The following PTPN4 variants were observed in gnomAD, a reference collection of about 807,000 sequenced individuals.
PTPN4 encodes the protein tyrosine-protein phosphatase non-receptor type 4.
In PTPN4, 49 loss-of-function variants were observed where a neutral mutation model predicts 135.5. The observed-to-expected ratio is 0.36, with a 90% CI of 0.29 to 0.46. The LOEUF (loss-of-function observed/expected upper bound fraction) is 0.46. PTPN4 is among the 20% of genes least tolerant of loss of function. PTPN4 has a pLI of 1.00. For missense variants in PTPN4, 860 were observed against 1,101.0 expected (o/e 0.78, Z 3.10); for synonymous variants, 333 against 369.9 (o/e 0.90, Z 1.14).
chr2:119,781,442 A>T (rs1374293638), intron 1 of PTPN4, among the ~76,000 whole-genome samples: 2 of 152,124 alleles, frequency 1.3e-5, no homozygotes, highest in African/African-American at 4.8e-5. Context: ...AACAATATTA[A>T]TATTTATTCA....
At chr2:119,954,195 A>G (rs1024667420) in intron 19 of PTPN4, among the ~76,000 whole-genome samples, 2 of 152,186 alleles carry the variant, frequency 1.3e-5, no homozygotes, top group Admixed American at 6.5e-5. Context: ...TTCTAAAAAA[A>G]TGTATAGATA....
At chr2:119,965,452 C>A in intron 24 of PTPN4, 45 bp from the exon 25 acceptor site, 1 of 1,535,746 alleles carries the variant, frequency 6.5e-7, no homozygotes, top group Admixed American at 2.0e-5. Context: ...GGGACAATTT[C>A]AATAATACAT....
At chr2:119,804,624 G>A (rs1252055733) in intron 1 of PTPN4, among the ~76,000 whole-genome samples, 4 of 152,024 alleles carry the variant, frequency 2.6e-5, no homozygotes, top group African/African-American at 7.2e-5. Flanking sequence ...CTTTTTTATG[G>A]CTGCATAGTA....
At chr2:119,821,486 T>C (rs185291745) in intron 2 of PTPN4, among the ~76,000 whole-genome samples, 10 of 152,320 alleles carry the variant, frequency 6.6e-5, no homozygotes, top group Non-Finnish European at 1.3e-4. Flanking sequence ...ACTTTTTTTT[T>C]TGAATGTGCA....
intron 1 of PTPN4, among the ~76,000 whole-genome samples, chr2:119,808,040 A>C (rs1691511348): frequency 6.6e-6 from 1 of 152,252 alleles, no homozygotes; most frequent in African/African-American, 2.4e-5. Context: ...TCATGCTAAA[A>C]ACTTTCAATA....
chr2:119,863,225 T>C (rs892749371), intron 3 of PTPN4, among the ~76,000 whole-genome samples: 20 of 152,104 alleles, frequency 1.3e-4, no homozygotes, highest in African/African-American at 4.8e-4. Context: ...GAAGATAGCA[T>C]GTGATGAATA....
At chr2:119,860,726 G>A (rs936125274) in intron 2 of PTPN4, among the ~76,000 whole-genome samples, 6 of 152,102 alleles carry the variant, frequency 3.9e-5, no homozygotes, top group African/African-American at 1.4e-4. Flanking sequence ...GAATACCTGA[G>A]ACTGGGTAAT....
intron 1 of PTPN4, among the ~76,000 whole-genome samples, chr2:119,803,530 A>C (rs777626603): frequency 3.9e-5 from 6 of 152,088 alleles, no homozygotes; most frequent in Non-Finnish European, 7.4e-5. Flanking sequence ...CTCAGAATAC[A>C]TTTTGCATAA....
At chr2:119,949,019 T>C (rs1396700550) in intron 18 of PTPN4, among the ~76,000 whole-genome samples, 1 of 152,106 alleles carries the variant, frequency 6.6e-6, no homozygotes, top group Non-Finnish European at 1.5e-5. Flanking sequence ...CTCACACGCA[T>C]AAAAAAAGTA....
intron 1 of PTPN4, among the ~76,000 whole-genome samples, chr2:119,785,264 A>G (rs1052343113): frequency 6.6e-6 from 1 of 152,178 alleles, no homozygotes; most frequent in Non-Finnish European, 1.5e-5. Context: ...ATTGATATGG[A>G]CCAGCCACAT....
At chr2:119,965,036 T>A (rs1187077851) in intron 24 of PTPN4, among the ~76,000 whole-genome samples, 1 of 152,054 alleles carries the variant, frequency 6.6e-6, no homozygotes, top group Non-Finnish European at 1.5e-5. Flanking sequence ...ATGGGGTTTT[T>A]AAGGGGATGG....
At chr2:119,847,197 G>GTA (rs35864114) in intron 2 of PTPN4, among the ~76,000 whole-genome samples, 5,105 of 142,460 alleles carry the variant, frequency 0.036, 325 homozygotes, top group African/African-American at 0.12. Context: ...AATATATAGA[G>GTA]TATATATATA....
At chr2:119,803,980 T>C (rs900269817) in intron 1 of PTPN4, among the ~76,000 whole-genome samples, 1 of 152,196 alleles carries the variant, frequency 6.6e-6, no homozygotes, top group African/African-American at 2.4e-5. Flanking sequence ...TATTGATTAA[T>C]GTTTCCATGA....
chr2:119,783,335 G>T (rs1399839890), intron 1 of PTPN4, among the ~76,000 whole-genome samples: 1 of 152,078 alleles, frequency 6.6e-6, no homozygotes, highest in Non-Finnish European at 1.5e-5. Context: ...ACATGAGCAG[G>T]GTTATTCTCT....
intron 15 of PTPN4, among the ~76,000 whole-genome samples, chr2:119,941,296 A>G (rs932671109): frequency 1.3e-5 from 2 of 152,194 alleles, no homozygotes; most frequent in Non-Finnish European, 2.9e-5. Flanking sequence ...CATTAAAGTA[A>G]ATTGAATTAA....
chr2:119,828,949 C>T (rs1677182827), intron 2 of PTPN4, among the ~76,000 whole-genome samples: 1 of 152,160 alleles, frequency 6.6e-6, no homozygotes, highest in Admixed American at 6.5e-5. Context: ...GACTGAAAAG[C>T]AGTTAATGAG....
chr2:119,856,155 C>A (rs917625428), intron 2 of PTPN4, among the ~76,000 whole-genome samples: 2 of 152,088 alleles, frequency 1.3e-5, no homozygotes, highest in African/African-American at 2.4e-5. Flanking sequence ...CATATCACTC[C>A]CATCGGGACT....
At chr2:119,964,506 T>C (rs1679419466) in intron 24 of PTPN4, among the ~76,000 whole-genome samples, 1 of 152,230 alleles carries the variant, frequency 6.6e-6, no homozygotes, top group Non-Finnish European at 1.5e-5. Flanking sequence ...TCATCTGCAT[T>C]GTGTGAGGAT....
Position 119,818,225 on chromosome 2 carries a change from T to C in PTPN4, c.138+8234T>C, listed in dbSNP as rs1404612593. 2.6e-5 allele frequency among the ~76,000 whole-genome samples: 4 copies of C among 152,148 alleles called. No individual in the cohort carries two copies. In the East Asian group the frequency reaches 7.7e-4, roughly 29 times the overall value. ...TGAATAGGAGTGGTAAGCTAGAGCC[T>C]CCTTGTCTACACATATATTTACATC... On this transcript the variant is annotated intron_variant, in intron 2 of 26. Transcript: ENST00000263708.
Sources: allele counts gnomAD v4.1 joint callset (sites outside exome capture counted in the v4.1 genomes callset), GRCh38; gene constraint gnomAD v4.1.1; transcripts MANE v1.5; gene names NCBI Gene and HGNC (gene_info 2026-07-23, HGNC 2026-07-21).